FARP1: variants seen among roughly 807,000 people sequenced by gnomAD.
The protein encoded by FARP1 is FERM, ARH/RhoGEF and pleckstrin domain protein 1.
FARP1 carries 52 observed loss-of-function variants against 128.8 expected under a neutral mutation model. The ratio of observed to expected loss-of-function variants is 0.40; its 90% CI spans 0.32 to 0.51. FARP1 has a LOEUF of 0.51. FARP1 is among the 20% of genes least tolerant of loss of function. FARP1 has a pLI of 0.45. For missense variants in FARP1, 1,333 were observed against 1,367.9 expected, an observed-to-expected ratio of 0.97 and a Z score of 0.40; for synonymous variants, 580 against 551.8, an observed-to-expected ratio of 1.05 and a Z score of -0.72.
At chr13:98,379,589 G>A (rs1313882301) in intron 6 of FARP1, among the ~76,000 whole-genome samples, 1 of 152,100 alleles carries the variant, frequency 6.6e-6, no homozygotes, top group East Asian at 1.9e-4. Context: ...TAATGTCCAT[G>A]GGGTATTGGC....
intron 2 of FARP1, among the ~76,000 whole-genome samples, chr13:98,314,263 A>G (rs142364314): frequency 6.8e-4 from 86 of 126,748 alleles, no homozygotes; most frequent in African/African-American, 2.5e-3. Context: ...AACATTTATT[A>G]TATTTTATGT....
intron 2 of FARP1, among the ~76,000 whole-genome samples, chr13:98,288,896 A>G (rs971239390): frequency 2.0e-5 from 3 of 151,424 alleles, no homozygotes; most frequent in Non-Finnish European, 4.4e-5. Context: ...CAAGCTCTCA[A>G]ATGTCTTAAT....
chr13:98,322,167 A>T (rs1296716297), intron 2 of FARP1, among the ~76,000 whole-genome samples: 6 of 152,204 alleles, frequency 3.9e-5, no homozygotes, highest in Admixed American at 2.0e-4. Flanking sequence ...TCATGGTGGC[A>T]GGTGCCTGTA....
At chr13:98,328,223 C>T (rs1305698481) in intron 2 of FARP1, 1 of 152,106 alleles carries the variant, frequency 6.6e-6, no homozygotes, top group Non-Finnish European at 1.5e-5. Flanking sequence ...TTTTGTTCAG[C>T]CCTTAGGGAA....
At chr13:98,294,361 A>G (rs938269021) in intron 2 of FARP1, among the ~76,000 whole-genome samples, 2 of 152,234 alleles carry the variant, frequency 1.3e-5, no homozygotes, top group African/African-American at 2.4e-5. Context: ...GGGTTCAACC[A>G]TTGATAAGAA....
At chr13:98,253,283 G>A (rs1046875241) in intron 2 of FARP1, among the ~76,000 whole-genome samples, 2 of 152,218 alleles carry the variant, frequency 1.3e-5, no homozygotes, top group African/African-American at 4.8e-5. Flanking sequence ...ACCCACTGCT[G>A]GGGCTGCAGA....
chr13:98,177,813 A>G (rs923710962), intron 1 of FARP1: 2 of 152,184 alleles, frequency 1.3e-5, no homozygotes, highest in African/African-American at 4.8e-5. Context: ...CCACGGGTGG[A>G]ATCATTCCAG....
chr13:98,204,985 A>G (rs1880183135), intron 1 of FARP1, among the ~76,000 whole-genome samples: 2 of 152,086 alleles, frequency 1.3e-5, no homozygotes, highest in Admixed American at 1.3e-4. Context: ...ATTATAGTTG[A>G]ATGAAAATTT....
At chr13:98,312,072 C>T (rs1205280246) in intron 2 of FARP1, among the ~76,000 whole-genome samples, 1 of 147,974 alleles carries the variant, frequency 6.8e-6, no homozygotes, top group Non-Finnish European at 1.5e-5. Context: ...GTCTTGAACT[C>T]CTTACCTAAG....
chr13:98,450,934 ACCCCACCTC>A lies in FARP1; in HGVS notation c.*2622_*2630del, dbSNP rs1176792404. On this transcript the variant is annotated 3_prime_UTR_variant, in exon 27 of 27. Transcript: ENST00000319562. Reference sequence around the variant, plus strand: ...GAGGCGAGCTTTCTAACTCCATCAAACCCCACCTCCCCCGACAGGAAATGCTGCCAGTCA... The same window carrying A: ...GAGGCGAGCTTTCTAACTCCATCAAACCCCGACAGGAAATGCTGCCAGTCA... 6.6e-6 allele frequency: 1 copy of A among 152,050 alleles called. No homozygotes were observed. Among genetic ancestry groups the A allele is most frequent in the Non-Finnish European group, 1.5e-5 (1 of 68,022 alleles). The allele number at this position is 152,050 out of a possible 1,614,324, so 9.4% of individuals were successfully genotyped here.
At chr13:98,340,334 A>G (rs1259697032) in intron 2 of FARP1, among the ~76,000 whole-genome samples, 3 of 152,156 alleles carry the variant, frequency 2.0e-5, no homozygotes, top group Admixed American at 6.6e-5. Flanking sequence ...CAGTATGGGA[A>G]TTCTTCCACA....
chr13:98,188,476 G>A (rs536124364), intron 1 of FARP1, among the ~76,000 whole-genome samples: 22 of 152,232 alleles, frequency 1.4e-4, no homozygotes, highest in African/African-American at 4.8e-4. Context: ...CAGGAGAATC[G>A]CTTGAATCCT....
chr13:98,435,772 A>G lies in FARP1; in HGVS notation c.2274+66A>G, dbSNP rs1328942402. On this transcript the variant is annotated intron_variant, in intron 19 of 26. Coordinates refer to ENST00000319562, the MANE Select transcript of FARP1 (RefSeq NM_005766.4). ...GAAAGGAGGCATCGGAGGGACTTAC[A>G]TTTGAACCTTTTGAAGAGAGACCCT... 2.6e-6 allele frequency: 4 copies of G among 1,550,212 alleles called. No individual in the cohort carries two copies. The African/African-American group carries it at 5.4e-5, about 21-fold the overall frequency.
intron 1 of FARP1, among the ~76,000 whole-genome samples, chr13:98,177,460 A>G (rs1355481675): frequency 6.7e-6 from 1 of 149,820 alleles, no homozygotes; most frequent in African/African-American, 2.4e-5. Context: ...CAGCCTGGCC[A>G]ACATAGCGAA....
intron 3 of FARP1, among the ~76,000 whole-genome samples, chr13:98,361,278 T>A (rs185493668): frequency 6.6e-6 from 1 of 152,290 alleles, no homozygotes; most frequent in Admixed American, 6.5e-5. Flanking sequence ...CTTGCAGTGT[T>A]CCCGCTGCGG....
chr13:98,263,371 A>G (rs1276346641), intron 2 of FARP1, among the ~76,000 whole-genome samples: 2 of 152,214 alleles, frequency 1.3e-5, no homozygotes, highest in African/African-American at 4.8e-5. Flanking sequence ...TTAGAAAGCT[A>G]GGAAGGTGGA....
intron 2 of FARP1, among the ~76,000 whole-genome samples, chr13:98,333,410 A>G (rs751683974): frequency 2.2e-4 from 33 of 150,248 alleles, no homozygotes; most frequent in Non-Finnish European, 4.1e-4. Context: ...CAGGTTTGCA[A>G]GAAAGCAGTA....
intron 18 of FARP1, chr13:98,432,091 T>A (rs1892054577): frequency 1.3e-5 from 2 of 152,182 alleles, no homozygotes; most frequent in Middle Eastern, 3.2e-3. Context: ...ATCTTACATA[T>A]GGGGACTACG....
rs8481 is a variant in FARP1 at position 98,453,141 on chromosome 13, G to A, written c.*4824G>A. On this transcript the variant is annotated 3_prime_UTR_variant, in exon 27 of 27. Coordinates refer to ENST00000319562, the MANE Select transcript of FARP1 (RefSeq NM_005766.4). ...AGGAGGAGGATGAAGAAGGAAAAAA[G>A]GAAAAACAAAACCCCAAATGCCAAA... is the stretch of plus-strand genomic sequence containing the variant. 0.28 allele frequency: 443,956 copies of A among 1,610,474 alleles called. 62,742 individuals are homozygous for A. Among genetic ancestry groups the A allele is most frequent in the Non-Finnish European group, 0.29 (345,166 of 1,177,576 alleles).
Sources: gnomAD v4.1 joint callset for allele counts (sites outside exome capture counted in the v4.1 genomes callset) on GRCh38, gnomAD v4.1.1 for gene constraint, MANE v1.5 for transcripts, NCBI Gene and HGNC (gene_info 2026-07-23, HGNC 2026-07-21) for gene names.